ZNF385D: variants seen among roughly 807,000 people sequenced by gnomAD.
The protein encoded by ZNF385D is zinc finger protein 385D, also known as zinc finger protein 659.
ZNF385D carries 15 observed loss-of-function variants against 35.8 expected under a neutral mutation model. That is an observed-to-expected ratio of 0.42 (90% CI 0.28 to 0.64). ZNF385D has a LOEUF of 0.64. Among genes scored for constraint, ZNF385D ranks in the 30% least tolerant of loss-of-function variants. The pLI is 0.23. For synonymous variants in ZNF385D, 212 were observed against 186.8 expected, an observed-to-expected ratio of 1.13 and a Z score of -1.10; for missense variants, 474 against 494.6, an observed-to-expected ratio of 0.96 and a Z score of 0.39.
chr3:22,110,093 A>G (rs1192566913), intron 3 of ZNF385D, among the ~76,000 whole-genome samples: 1 of 152,112 alleles, frequency 6.6e-6, no homozygotes, highest in East Asian at 1.9e-4. Context: ...ATGAGATATC[A>G]TCTCACACCA....
chr3:22,366,669 G>C (rs1696671034), intron 2 of ZNF385D, among the ~76,000 whole-genome samples: 1 of 152,150 alleles, frequency 6.6e-6, no homozygotes, highest in Admixed American at 6.6e-5. Context: ...GTACTCCTCA[G>C]TCCTTACTGA....
rs567480879 is a variant in ZNF385D, at chr3:21,724,785, G to A, written c.22+26110C>T. On this transcript the variant is annotated intron_variant, in intron 1 of 7. Transcript: ENST00000281523. The stretch of plus-strand genomic sequence containing the variant: ...ATTAGACAGATCAACAAGACAGAAA[G>A]TTAACAAGGATATTCAGGACTTGAA... Among the ~76,000 whole-genome samples, 6 of 152,116 alleles carry A rather than the reference G, an allele frequency of 3.9e-5. No homozygotes were observed. In the South Asian group the frequency reaches 8.3e-4, roughly 21 times the overall value.
intron 3 of ZNF385D, among the ~76,000 whole-genome samples, chr3:21,914,256 G>T (rs530268836): frequency 7.2e-5 from 11 of 152,118 alleles, no homozygotes; most frequent in African/African-American, 2.4e-4. Context: ...CTTGAAGGGG[G>T]TGAGTTAACA....
At chr3:21,844,198 T>G (rs935985578) in intron 3 of ZNF385D, among the ~76,000 whole-genome samples, 2 of 151,982 alleles carry the variant, frequency 1.3e-5, no homozygotes, top group African/African-American at 4.8e-5. Context: ...AGTACATTTG[T>G]TTTACAAATT....
At chr3:22,024,506 C>T (rs116400242) in intron 3 of ZNF385D, among the ~76,000 whole-genome samples, 9,608 of 151,796 alleles carry the variant, frequency 0.063, 392 homozygotes, top group East Asian at 0.16. Context: ...GACTCTACTT[C>T]TAATAGTATG....
chr3:21,505,027 T>C (rs1251236423), intron 4 of ZNF385D, among the ~76,000 whole-genome samples: 5 of 152,068 alleles, frequency 3.3e-5, no homozygotes, highest in African/African-American at 1.2e-4. Context: ...TGTAAAAGCA[T>C]GAACCATTCC....
chr3:21,561,979 A>G (rs573741065), intron 3 of ZNF385D: 11 of 152,324 alleles, frequency 7.2e-5, no homozygotes, highest in South Asian at 6.2e-4. Flanking sequence ...TAGAAGACTA[A>G]TACAATAATC....
chr3:21,949,787 G>C (rs895231330), intron 3 of ZNF385D, among the ~76,000 whole-genome samples: 5 of 151,962 alleles, frequency 3.3e-5, no homozygotes, highest in African/African-American at 9.7e-5. Context: ...ACTCCCACTT[G>C]TGAGTGAGAA....
At chr3:22,325,733 G>A (rs191091681) in intron 2 of ZNF385D, among the ~76,000 whole-genome samples, 6 of 152,212 alleles carry the variant, frequency 3.9e-5, no homozygotes, top group Admixed American at 3.9e-4. Flanking sequence ...ACTCCAGAGT[G>A]GCCAACAGAG....
At chr3:22,072,137 A>C (rs1328881565) in intron 3 of ZNF385D, among the ~76,000 whole-genome samples, 1 of 152,102 alleles carries the variant, frequency 6.6e-6, no homozygotes, top group African/African-American at 2.4e-5. Context: ...TCATGAGATT[A>C]TAAATTAGAC....
At chr3:22,193,034 T>C (rs1242309044) in intron 2 of ZNF385D, among the ~76,000 whole-genome samples, 1 of 152,232 alleles carries the variant, frequency 6.6e-6, no homozygotes, top group African/African-American at 2.4e-5. Flanking sequence ...TAGTTTCATA[T>C]ACTTACATTA....
At chr3:21,664,754 AT>A in intron 2 of ZNF385D, 131 bp downstream of exon 2, 1 of 1,263,656 alleles carries the variant, frequency 7.9e-7, no homozygotes. Flanking sequence ...AACTAACTTC[AT>A]TATGGCTTCT....
intron 3 of ZNF385D, among the ~76,000 whole-genome samples, chr3:21,940,177 T>C (rs1701446335): frequency 6.6e-6 from 1 of 152,200 alleles, no homozygotes; most frequent in South Asian, 2.1e-4. Flanking sequence ...CGGTGTCTAC[T>C]GATATTTCTC....
chr3:21,728,364 C>T (rs1294098150), intron 1 of ZNF385D, among the ~76,000 whole-genome samples: 2 of 151,814 alleles, frequency 1.3e-5, no homozygotes, highest in African/African-American at 4.8e-5. Context: ...ATTTTATCTA[C>T]CAGACTCAGG....
intron 2 of ZNF385D, among the ~76,000 whole-genome samples, chr3:21,660,452 G>C (rs1386168580): frequency 6.6e-6 from 1 of 152,124 alleles, no homozygotes; most frequent in Non-Finnish European, 1.5e-5. Context: ...ACTGGAAATA[G>C]AGCCATGGGG....
chr3:22,336,505 G>A (rs138683053), intron 2 of ZNF385D, among the ~76,000 whole-genome samples: 118 of 152,130 alleles, frequency 7.8e-4, no homozygotes, highest in African/African-American at 2.7e-3. Flanking sequence ...TGCTACAGAA[G>A]TCCAAGTTAT....
chr3:21,987,845 C>G (rs71312008), intron 3 of ZNF385D, among the ~76,000 whole-genome samples: 1 of 116,960 alleles, frequency 8.5e-6, no homozygotes, highest in Non-Finnish European at 1.7e-5. Flanking sequence ...TAGTCCCATA[C>G]TTCTTGGAGG....
chr3:22,249,303 A>ATTCTGGTT (rs1458189795), intron 2 of ZNF385D, among the ~76,000 whole-genome samples: 1 of 152,198 alleles, frequency 6.6e-6, no homozygotes, highest in East Asian at 1.9e-4. Flanking sequence ...TGTCTTAATA[A>ATTCTGGTT]ATGTAATGCA....
intron 2 of ZNF385D, among the ~76,000 whole-genome samples, chr3:22,318,782 G>T (rs1348565649): frequency 6.6e-6 from 1 of 152,124 alleles, no homozygotes; most frequent in Non-Finnish European, 1.5e-5. Flanking sequence ...ATTAAGTACT[G>T]TGTATAAAAC....
Sources: allele counts gnomAD v4.1 joint callset (sites outside exome capture counted in the v4.1 genomes callset), GRCh38; gene constraint gnomAD v4.1.1; transcripts MANE v1.5; gene names NCBI Gene and HGNC (gene_info 2026-07-23, HGNC 2026-07-21).